Variants in RGS22 observed in about 807,000 individuals in gnomAD.
RGS22 encodes the protein regulator of G-protein signaling 22.
A neutral mutation model predicts 172.9 loss-of-function variants in RGS22; 148 were observed. That is an observed-to-expected ratio of 0.86 (90% CI 0.75 to 0.98). The LOEUF (loss-of-function observed/expected upper bound fraction) is 0.98. RGS22 is among the 50% of genes least tolerant of loss of function. RGS22 has a pLI of 0.00. For missense variants in RGS22, 1,347 were observed against 1,440.8 expected (o/e 0.93, Z 1.05); for synonymous variants, 458 against 480.2 (o/e 0.95, Z 0.60).
chr8:100,039,126 T>C (rs1413874851), intron 13 of RGS22, 94 bp from the exon 14 acceptor site: 1 of 553,082 alleles, frequency 1.8e-6, no homozygotes, highest in Non-Finnish European at 3.0e-6. Flanking sequence ...TTTAGCTCCT[T>C]GCTGTTACCA....
intron 4 of RGS22, among the ~76,000 whole-genome samples, chr8:100,072,682 A>G (rs1586207592): frequency 6.6e-6 from 1 of 152,182 alleles, no homozygotes; most frequent in East Asian, 1.9e-4. Flanking sequence ...TGTTTTAACT[A>G]TTTAACATCT....
chr8:100,072,353 T>A (rs1041820998), intron 4 of RGS22, 123 bp from the exon 5 acceptor site: 1 of 552,412 alleles, frequency 1.8e-6, no homozygotes, highest in Non-Finnish European at 3.1e-6. Flanking sequence ...CCCTAGGTCT[T>A]CTATTTCCAC....
chr8:99,978,857 A>C (rs1031051036), intron 22 of RGS22, among the ~76,000 whole-genome samples: 1 of 152,178 alleles, frequency 6.6e-6, no homozygotes, highest in South Asian at 2.1e-4. Context: ...CTGGAAAAAA[A>C]TGAACCATCC....
At position 100,002,339 on chromosome 8, in the gene RGS22, T is replaced by C. The variant is rs1815182321; in HGVS notation, c.2653A>G (p.Ile885Val). ...TAAGTTATTCTCCGGAACTGCTCAA[T>C]GTCTGTCCAGCACATAAGATCCATG... ...SSMDLMCWTD[I>V]EQFRRITYRD... Residue 885 changes from isoleucine (I) to valine (V), a missense_variant, in exon 18 of 28, where the codon ATT (isoleucine) becomes GTT (valine). Transcript: ENST00000360863. 1 of 1,610,834 alleles carries C rather than the reference T, an allele frequency of 6.2e-7. No homozygotes were observed. The highest frequency in any genetic ancestry group is 8.5e-7 in the Non-Finnish European group (1 of 1,179,152).
At position 99,976,858 on chromosome 8, in the gene RGS22, G is replaced by A. The variant is rs189738480; in HGVS notation, c.3519+1059C>T. On this transcript the variant is annotated intron_variant, in intron 23 of 27. Coordinates refer to ENST00000360863, the MANE Select transcript of RGS22 (RefSeq NM_015668.5). Reference sequence around the variant, plus strand: ...TTTTGGCCTGCACAAATAAATGTGAGTGTTCATTATATTACTTTTGTGTCT... The same window carrying A: ...TTTTGGCCTGCACAAATAAATGTGAATGTTCATTATATTACTTTTGTGTCT... Among the ~76,000 whole-genome samples, 9 of 152,226 alleles carry A rather than the reference G, an allele frequency of 5.9e-5. No individual in the cohort carries two copies. The East Asian group carries it at 1.7e-3, about 29-fold the overall frequency.
At chr8:100,060,662 T>C (rs1810059705) in intron 9 of RGS22, among the ~76,000 whole-genome samples, 2 of 151,530 alleles carry the variant, frequency 1.3e-5, no homozygotes, top group African/African-American at 4.8e-5. Flanking sequence ...CTCAAAGAAA[T>C]CAGAGGTGAC....
intron 24 of RGS22, among the ~76,000 whole-genome samples, 181 bp from the exon 25 acceptor site, chr8:99,963,159 T>A (rs999668759): frequency 6.6e-6 from 1 of 152,188 alleles, no homozygotes; most frequent in Non-Finnish European, 1.5e-5. Context: ...TGTACCCAGG[T>A]CACCTTTTAA....
intron 18 of RGS22, among the ~76,000 whole-genome samples, chr8:100,001,244 T>C (rs2131327221): frequency 1.3e-5 from 1 of 74,900 alleles, no homozygotes; most frequent in South Asian, 4.2e-4. Flanking sequence ...ACATTTTTTT[T>C]TTTTTTGAGA....
Position 99,965,997 on chromosome 8 carries a change from A to C in RGS22, c.3520-567T>G, listed in dbSNP as rs73699899. Among the ~76,000 whole-genome samples the C allele has an allele frequency of 2.9e-3, 448 of 152,348 alleles. 4 individuals carry two copies. Among genetic ancestry groups the C allele is most frequent in the African/African-American group, 0.01 (432 of 41,586 alleles). On this transcript the variant is annotated intron_variant, in intron 23 of 27. Transcript: ENST00000360863. ...ATTTGTTGAATGATGAAATTAATAA[A>C]TTACATCACCATTTTCAGTGGATGA...
At chr8:99,967,183 C>G (rs1043586996) in intron 23 of RGS22, among the ~76,000 whole-genome samples, 1 of 152,172 alleles carries the variant, frequency 6.6e-6, no homozygotes, top group African/African-American at 2.4e-5. Flanking sequence ...AGGAATGATG[C>G]ACTCCAACCC....
chr8:99,988,556 A>G (rs1305820629), intron 20 of RGS22, among the ~76,000 whole-genome samples: 2 of 152,196 alleles, frequency 1.3e-5, no homozygotes, highest in East Asian at 3.8e-4. Flanking sequence ...AATGATTTAG[A>G]TGGATTTAGC....
intron 4 of RGS22, among the ~76,000 whole-genome samples, chr8:100,079,173 AAAC>A (rs1811569135): frequency 6.6e-6 from 1 of 152,258 alleles, no homozygotes. Flanking sequence ...GAAGTGAATA[AAAC>A]AATAAACATT....
chr8:100,009,953 A>G (rs1426424595), intron 14 of RGS22, among the ~76,000 whole-genome samples: 1 of 152,224 alleles, frequency 6.6e-6, no homozygotes, highest in Non-Finnish European at 1.5e-5. Context: ...CAATGGTTAT[A>G]ATACAGGACG....
At chr8:99,977,851 C>G in intron 23 of RGS22, 66 bp downstream of exon 23, 1 of 1,327,496 alleles carries the variant, frequency 7.5e-7, no homozygotes, top group Non-Finnish European at 1.0e-6. Context: ...CAAAATTATT[C>G]TATAATTCAC....
intron 16 of RGS22, among the ~76,000 whole-genome samples, chr8:100,005,574 T>G (rs1815601956): frequency 6.6e-6 from 1 of 152,192 alleles, no homozygotes. Context: ...TTTACCGTCT[T>G]CCTCAATTCC....
At chr8:99,989,976 G>C (rs1006408103) in intron 20 of RGS22, among the ~76,000 whole-genome samples, 1 of 152,152 alleles carries the variant, frequency 6.6e-6, no homozygotes, top group Admixed American at 6.5e-5. Flanking sequence ...TTAACCTGCT[G>C]ATTCTGCTGC....
chr8:100,082,654 A>G (rs996820962), intron 3 of RGS22, among the ~76,000 whole-genome samples: 2 of 152,204 alleles, frequency 1.3e-5, no homozygotes, highest in Admixed American at 1.3e-4. Flanking sequence ...CTAGACAATC[A>G]GGGTTATGGA....
chr8:100,099,988 C>A (rs909513164), intron 2 of RGS22, among the ~76,000 whole-genome samples: 19 of 152,186 alleles, frequency 1.2e-4, no homozygotes, highest in African/African-American at 4.1e-4. Flanking sequence ...TTGAAAAAAA[C>A]CACCAAGTGG....
chr8:99,996,041 C>A (rs1172911443), intron 20 of RGS22, among the ~76,000 whole-genome samples: 1 of 131,756 alleles, frequency 7.6e-6, no homozygotes, highest in Non-Finnish European at 1.5e-5. Flanking sequence ...TGTTATCACT[C>A]ATAGGTAGGA....
Sources: allele counts gnomAD v4.1 joint callset (sites outside exome capture counted in the v4.1 genomes callset), GRCh38; gene constraint gnomAD v4.1.1; transcripts MANE v1.5; gene names NCBI Gene and HGNC (gene_info 2026-07-23, HGNC 2026-07-21).